The following SAMD5 variants were observed in gnomAD, a reference collection of about 807,000 sequenced individuals.
The protein encoded by SAMD5 is sterile alpha motif domain containing 5, also known as sterile alpha motif domain-containing protein 5.
A neutral mutation model predicts 11.3 loss-of-function variants in SAMD5; 13 were observed. The ratio of observed to expected loss-of-function variants is 1.15; its 90% CI spans 0.75 to 1.83. The LOEUF (loss-of-function observed/expected upper bound fraction) is 1.83. Ranked by LOEUF, SAMD5 falls within the 40% of genes most tolerant of loss-of-function variation. The probability of loss-of-function intolerance (pLI) is 0.00; values close to 1 mark genes in which losing one functional copy is unlikely to be tolerated. For synonymous variants in SAMD5, 129 were observed against 111.3 expected (o/e 1.16, Z -1.00); for missense variants, 255 against 239.1 (o/e 1.07, Z -0.44).
the SAMD5 span, among the ~76,000 whole-genome samples, chr6:147,875,873 A>G: frequency 1.3e-5 from 2 of 152,208 alleles, no homozygotes; most frequent in South Asian, 2.1e-4. Flanking sequence ...CTGATTCTAC[A>G]TTACAATGAG....
chr6:147,548,324 C>T (rs185583266), intron 1 of SAMD5, among the ~76,000 whole-genome samples: 67 of 152,272 alleles, frequency 4.4e-4, no homozygotes, highest in African/African-American at 1.2e-3. Context: ...ACCATCATTT[C>T]GGTACCCCAC....
At chr6:147,714,154 C>T (rs1401410463) in intron 1 of SAMD5, among the ~76,000 whole-genome samples, 1 of 152,170 alleles carries the variant, frequency 6.6e-6, no homozygotes, top group Non-Finnish European at 1.5e-5. Context: ...CCCCCTCCCA[C>T]CTCACTAGGA....
At chr6:147,889,226 G>A in the SAMD5 span, among the ~76,000 whole-genome samples, 3 of 152,148 alleles carry the variant, frequency 2.0e-5, no homozygotes, top group Non-Finnish European at 2.9e-5. Context: ...GTGTCTTCAA[G>A]TTCACTATTT....
At chr6:147,714,804 G>A (rs541289266) in intron 1 of SAMD5, among the ~76,000 whole-genome samples, 1 of 152,268 alleles carries the variant, frequency 6.6e-6, no homozygotes, top group South Asian at 2.1e-4. Context: ...GAATGACTTA[G>A]GTGGTCTTGG....
chr6:147,759,549 A>G, the SAMD5 span, among the ~76,000 whole-genome samples: 41 of 151,182 alleles, frequency 2.7e-4, no homozygotes, highest in Non-Finnish European at 4.4e-5. Context: ...ATATATGTAT[A>G]TATCTAATAT....
At chr6:147,556,008 C>A (rs1788849077) in intron 1 of SAMD5, among the ~76,000 whole-genome samples, 1 of 152,016 alleles carries the variant, frequency 6.6e-6, no homozygotes, top group Non-Finnish European at 1.5e-5. Context: ...TAAAACAATG[C>A]CATTCTTCTT....
the SAMD5 span, among the ~76,000 whole-genome samples, chr6:147,830,517 A>G: frequency 1.3e-5 from 2 of 151,696 alleles, no homozygotes; most frequent in Non-Finnish European, 2.9e-5. Flanking sequence ...CAGCCTCCCA[A>G]AGTGCTGGGA....
the SAMD5 span, among the ~76,000 whole-genome samples, chr6:147,865,428 G>A: frequency 1.4e-4 from 21 of 152,098 alleles, no homozygotes; most frequent in African/African-American, 3.6e-4. Context: ...AATTGGCCCC[G>A]GATCAGGCCA....
At chr6:147,528,780 C>CA (rs1331687299) in intron 1 of SAMD5, among the ~76,000 whole-genome samples, 5 of 152,210 alleles carry the variant, frequency 3.3e-5, no homozygotes, top group African/African-American at 1.2e-4. Context: ...GTTTCTACCA[C>CA]ATGCAGGAGC....
At chr6:147,909,618 T>TCTCTCTCTCTCTC in the SAMD5 span, among the ~76,000 whole-genome samples, 1 of 76,420 alleles carries the variant, frequency 1.3e-5, no homozygotes, top group African/African-American at 8.3e-5. Context: ...CTTTCTTTCT[T>TCTCTCTCTCTCTC]TCTTTCTTTC....
chr6:147,874,519 G>A, the SAMD5 span, among the ~76,000 whole-genome samples: 15 of 151,806 alleles, frequency 9.9e-5, no homozygotes, highest in Non-Finnish European at 1.5e-4. Context: ...CAGGACAGCC[G>A]GCCCTCCGGC....
intron 1 of SAMD5, among the ~76,000 whole-genome samples, chr6:147,627,621 A>G (rs56327851): frequency 0.48 from 72,542 of 152,028 alleles, 17,792 homozygotes; most frequent in Middle Eastern, 0.57. Flanking sequence ...GGAGAAGTCT[A>G]CCAGCCACAC....
At chr6:147,728,862 A>AGTT (rs145082728) in intron 1 of SAMD5, among the ~76,000 whole-genome samples, 5,173 of 152,318 alleles carry the variant, frequency 0.034, 117 homozygotes, top group African/African-American at 0.057. Context: ...CTCTTTATGC[A>AGTT]GTTCTGTGTG....
the SAMD5 span, among the ~76,000 whole-genome samples, chr6:147,776,664 G>A: frequency 6.6e-6 from 1 of 152,272 alleles, no homozygotes; most frequent in South Asian, 2.1e-4. Flanking sequence ...AGAAACTGTT[G>A]CTTTCCAAAG....
At chr6:147,825,743 G>T in the SAMD5 span, among the ~76,000 whole-genome samples, 2 of 152,110 alleles carry the variant, frequency 1.3e-5, no homozygotes, top group Non-Finnish European at 2.9e-5. Flanking sequence ...TTTTTGTGAC[G>T]ATTTCTCTGC....
intron 1 of SAMD5, among the ~76,000 whole-genome samples, chr6:147,524,689 ACC>A (rs1180605141): frequency 6.6e-6 from 1 of 151,864 alleles, no homozygotes; most frequent in Non-Finnish European, 1.5e-5. Flanking sequence ...TTCCATTCGC[ACC>A]TAGATTCGCT....
chr6:147,783,024 A>T, the SAMD5 span, among the ~76,000 whole-genome samples: 1 of 152,212 alleles, frequency 6.6e-6, no homozygotes, highest in Non-Finnish European at 1.5e-5. Context: ...AGAGTGTTTA[A>T]TTCTTGTGAT....
the SAMD5 span, among the ~76,000 whole-genome samples, chr6:147,816,279 TC>T: frequency 0.023 from 297 of 13,192 alleles, 7 homozygotes; most frequent in Non-Finnish European, 0.025. Context: ...AAACTCCGTC[TC>T]CAAAAAAAAA....
intron 1 of SAMD5, among the ~76,000 whole-genome samples, chr6:147,642,610 C>T (rs533260494): frequency 7.2e-5 from 11 of 152,174 alleles, no homozygotes; most frequent in Non-Finnish European, 1.2e-4. Flanking sequence ...TGTCTGCCAG[C>T]GGCCATTTAG....
Sources: gnomAD v4.1 joint callset for allele counts (sites outside exome capture counted in the v4.1 genomes callset) on GRCh38, gnomAD v4.1.1 for gene constraint, MANE v1.5 for transcripts, NCBI Gene and HGNC (gene_info 2026-07-23, HGNC 2026-07-21) for gene names.